PAPLN: variants seen among roughly 807,000 people sequenced by gnomAD.
PAPLN encodes papilin, proteoglycan like sulfated glycoprotein, also known as papilin.
PAPLN carries 146 observed loss-of-function variants against 159.0 expected under a neutral mutation model. The observed-to-expected ratio is 0.92, with a 90% CI of 0.80 to 1.05. The LOEUF (loss-of-function observed/expected upper bound fraction) is 1.05, where lower values mean the gene tolerates loss of function less well. Among genes scored for constraint, PAPLN ranks in the 50% least tolerant of loss-of-function variants. The pLI is 0.00. For missense variants in PAPLN, 1,720 were observed against 1,743.9 expected (o/e 0.99, Z 0.24); for synonymous variants, 734 against 702.9 (o/e 1.04, Z -0.70).
rs994684127 is a variant in PAPLN, at chr14:73,260,595, C to A, written c.1986-114C>A. The A allele has an allele frequency of 1.4e-4, 185 of 1,313,874 alleles. No homozygotes were observed. The Middle Eastern group carries it at 1.7e-3, about 12-fold the overall frequency. 81.4% of individuals were successfully genotyped at this position (1,313,874 alleles called of 1,614,324 possible). On this transcript the variant is annotated intron_variant, in intron 16 of 26. Coordinates refer to ENST00000644200, the MANE Select transcript of PAPLN (RefSeq NM_001365906.3). ...GCACACGGGGACACGTCCTCTCCCC[C>A]CCAGGTCCCCACCCTGTCAGCCCCC...
chr14:73,271,503 A>ATT (rs57834403), intron 26 of PAPLN, among the ~76,000 whole-genome samples: 3,578 of 143,726 alleles, frequency 0.025, 97 homozygotes, highest in African/African-American at 0.067. Flanking sequence ...GTAGAATGAA[A>ATT]TTTTTTTTTT....
In PAPLN at chr14:73,246,194, C is replaced by T. The variant is rs1427199615; in HGVS notation, c.334+19C>T. 4.5e-6 allele frequency: 7 copies of T among 1,557,450 alleles called. No individual in the cohort carries two copies. Among genetic ancestry groups the T allele is most frequent in the East Asian group, 2.5e-5 (1 of 40,698 alleles). ...TACAGCGGTGAGCGCGGCCGGGACT[C>T]GCTCTCTCGGGGCCTCTTGTATACC... On this transcript the variant is annotated intron_variant, in intron 5 of 26. Coordinates refer to ENST00000644200, the MANE Select transcript of PAPLN (RefSeq NM_001365906.3).
intron 5 of PAPLN, 54 bp from the exon 6 acceptor site, chr14:73,249,930 G>C (rs1312483395): frequency 2.0e-5 from 31 of 1,542,738 alleles, no homozygotes; most frequent in Non-Finnish European, 2.6e-5. Flanking sequence ...TTGGGTCTTG[G>C]GGAGGGGCAT....
In PAPLN at chr14:73,266,539, G is replaced by A. The variant is rs756345725; in HGVS notation, c.3302G>A (p.Arg1101Gln). 1.8e-5 allele frequency: 29 copies of A among 1,613,982 alleles called. No individual in the cohort carries two copies. Among genetic ancestry groups the A allele is most frequent in the Admixed American group, 1.3e-4 (8 of 59,998 alleles). Residue 1101 changes from arginine to glutamine, a missense_variant, in exon 24 of 27, where the codon CGA becomes CAA. Coordinates refer to ENST00000644200, the MANE Select transcript of PAPLN (RefSeq NM_001365906.3). The stretch of plus-strand genomic sequence containing the variant: ...CCTGATGGCTCCCTGGTCATTAGCC[G>A]AGTGGCTGTAGAAGATGGCGGCTTC... ...LQPDGSLVISRVAVEDGGFYT... is the reference protein window; with the variant it reads ...LQPDGSLVISQVAVEDGGFYT...
At chr14:73,254,413 C>T (rs1342474970) in intron 12 of PAPLN, 100 bp from the exon 13 acceptor site, 2 of 1,452,490 alleles carry the variant, frequency 1.4e-6, no homozygotes, top group African/African-American at 2.8e-5. Flanking sequence ...CAGTTGGGTG[C>T]TATCTGCCTC....
chr14:73,252,788 C>T lies in PAPLN; in HGVS notation c.1094+13C>T. On this transcript the variant is annotated intron_variant, in intron 11 of 26. Transcript: ENST00000644200. ...CGGAGACCAAGCGGTGAGACCTTGCCAGCCCCTCTACCCATGATGAGGCCC... is the reference window on the plus strand; with the variant it reads ...CGGAGACCAAGCGGTGAGACCTTGCTAGCCCCTCTACCCATGATGAGGCCC... The T allele has an allele frequency of 6.2e-7, 1 of 1,612,832 alleles. No individual in the cohort carries two copies. Among genetic ancestry groups the T allele is most frequent in the Non-Finnish European group, 8.5e-7 (1 of 1,179,874 alleles).
chr14:73,249,172 C>G (rs941627063), intron 5 of PAPLN, among the ~76,000 whole-genome samples: 8 of 152,094 alleles, frequency 5.3e-5, no homozygotes, highest in Non-Finnish European at 1.5e-5. Context: ...CATCCTGCCC[C>G]TTTCACAAGA....
intron 5 of PAPLN, 85 bp downstream of exon 5, chr14:73,246,260 G>A: frequency 8.7e-7 from 1 of 1,144,858 alleles, no homozygotes; most frequent in South Asian, 1.5e-5. Context: ...TTATAGAGGC[G>A]TTGTCATATA....
At position 73,246,274 on chromosome 14, in the gene PAPLN, A is replaced by G. The variant is rs548094644; in HGVS notation, c.334+99A>G. The stretch of plus-strand genomic sequence containing the variant: ...ATTATAGAGGCGTTGTCATATATAT[A>G]TATATTAGAGACAGTCTCACTGTGT... On this transcript the variant is annotated intron_variant, in intron 5 of 26. Transcript: ENST00000644200. 3.5e-5 allele frequency: 35 copies of G among 1,009,806 alleles called. No homozygotes were observed. In the African/African-American group the frequency reaches 5.4e-4, roughly 16 times the overall value. 62.6% of individuals were successfully genotyped at this position (1,009,806 alleles called of 1,614,324 possible). A position where few individuals can be genotyped will look rare whatever the true frequency, so the allele number is the denominator to read the frequency against.
intron 23 of PAPLN, among the ~76,000 whole-genome samples, chr14:73,266,077 G>A (rs1887183611): frequency 6.6e-6 from 1 of 152,150 alleles, no homozygotes; most frequent in Non-Finnish European, 1.5e-5. Context: ...AGTGGCTCAC[G>A]CCTGTAATCC....
At chr14:73,263,573 A>C (rs760782936) in intron 19 of PAPLN, 72 bp from the exon 20 acceptor site, 3 of 1,596,918 alleles carry the variant, frequency 1.9e-6, no homozygotes, top group South Asian at 2.2e-5. Context: ...TCTGTCATGG[A>C]ACACACTGCT....
In PAPLN at chr14:73,245,465, T is replaced by C. The variant is rs1396609284; in HGVS notation, c.171-171T>C. 1.5e-6 allele frequency: 1 copy of C among 660,100 alleles called. No individual in the cohort carries two copies. Among genetic ancestry groups the C allele is most frequent in the African/African-American group, 1.8e-5 (1 of 54,738 alleles). The allele number at this position is 660,100 out of a possible 1,614,324, so 40.9% of individuals were successfully genotyped here. On this transcript the variant is annotated intron_variant, in intron 3 of 26. Coordinates refer to ENST00000644200, the MANE Select transcript of PAPLN (RefSeq NM_001365906.3). This position sits in a 1 kb window ranked among gnomAD's most constrained non-coding sequence, Gnocchi z 4.2. ...GTCCCGCTTCTCTGGAGTACCAACA[T>C]GGGTCGCTCACTCCCACCTGGGGGA...
chr14:73,265,773 A>G lies in PAPLN; in HGVS notation c.3263+266A>G, dbSNP rs566721447. The stretch of plus-strand genomic sequence containing the variant: ...GATGACGGAAGAAGAAAATGGAGTC[A>G]GAACACATTCCCAGCTATAACCATA... On this transcript the variant is annotated intron_variant, in intron 23 of 26. Transcript: ENST00000644200. The surrounding 1 kb of genome is among the most constrained non-coding windows in gnomAD (Gnocchi z 4.1). Among the ~76,000 whole-genome samples the G allele has an allele frequency of 1.3e-5, 2 of 152,386 alleles. No individual in the cohort carries two copies. Among genetic ancestry groups the G allele is most frequent in the African/African-American group, 2.4e-5 (1 of 41,596 alleles).
In PAPLN at chr14:73,265,243, G is replaced by A. The variant is rs1887094164; in HGVS notation, c.3126-127G>A. 4.2e-6 allele frequency: 6 copies of A among 1,437,500 alleles called. No individual in the cohort carries two copies. The Admixed American group carries it at 1.1e-4, about 26-fold the overall frequency. The allele number at this position is 1,437,500 out of a possible 1,614,324, so 89.0% of individuals were successfully genotyped here. A position where few individuals can be genotyped will look rare whatever the true frequency, so the allele number is the denominator to read the frequency against. ...CCATTTCCTAACCAGAACAAGGCAG[G>A]GGATTTTAGGAAGCTGAATCTGGCT... is the stretch of plus-strand genomic sequence containing the variant. On this transcript the variant is annotated intron_variant, in intron 22 of 26. Transcript: ENST00000644200. The surrounding 1 kb of genome is among the most constrained non-coding windows in gnomAD (Gnocchi z 4.1).
rs1045173961 is a variant in PAPLN at position 73,262,576 on chromosome 14, C to T, written c.2472C>T (p.His824=). 2.6e-6 allele frequency: 4 copies of T among 1,564,814 alleles called. No individual in the cohort carries two copies. Among genetic ancestry groups the T allele is most frequent in the Non-Finnish European group, 1.7e-6 (2 of 1,153,518 alleles). ...PQPGASGRST[H]TDGGGSSPAG... ...CTGGGGCTTCTGGAAGGAGCACCCA[C>T]ACGGATGGTGGCGGCAGCAGTCCTG... Residue 824 remains histidine (H), a synonymous_variant, in exon 19 of 27, where the codon CAC becomes CAT. Transcript: ENST00000644200.
chr14:73,249,314 T>A (rs1884956625), intron 5 of PAPLN, among the ~76,000 whole-genome samples: 1 of 152,184 alleles, frequency 6.6e-6, no homozygotes, highest in South Asian at 2.1e-4. Flanking sequence ...CATATAGTCT[T>A]CACAATCATC....
chr14:73,250,228 C>G (rs1037501390), intron 6 of PAPLN, 114 bp downstream of exon 6: 1 of 1,359,460 alleles, frequency 7.4e-7, no homozygotes, highest in East Asian at 2.7e-5. Flanking sequence ...GGTGTCTTCT[C>G]AAGTTACCAG....
In PAPLN at chr14:73,251,556, G is replaced by A. The variant is rs765043257; in HGVS notation, c.660G>A (p.Arg220=). Residue 220 remains arginine, a synonymous_variant, in exon 8 of 27, where the codon AGG becomes AGA. Transcript: ENST00000644200. The part of the protein sequence containing the change: ...SILIDEAAAS[R]NFLAVKNVRG... ...TCATCGACGAGGCTGCTGCCAGCAGGAACTTCCTGGGTGAGAGCCTAGGGT... is the reference window on the plus strand; with the variant it reads ...TCATCGACGAGGCTGCTGCCAGCAGAAACTTCCTGGGTGAGAGCCTAGGGT... 6.2e-6 allele frequency: 10 copies of A among 1,612,932 alleles called. No individual in the cohort carries two copies. The highest frequency in any genetic ancestry group is 1.6e-4 in the Middle Eastern group (1 of 6,062).
chr14:73,265,412 T>G lies in PAPLN; in HGVS notation c.3168T>G (p.Ser1056Arg), dbSNP rs1204643630. ...ACCAGCCCCGGGTGGTGGATGCCAG[T>G]CCAGGCCAGCGGATCCGGATGACCT... ...DQNQPRVVDASPGQRIRMTCR... is the reference protein window; with the variant it reads ...DQNQPRVVDARPGQRIRMTCR... The change falls in exon 23 of 27, where the codon AGT (serine) becomes AGG (arginine). Residue 1056 changes from serine (S) to arginine (R), a missense_variant. Coordinates refer to ENST00000644200, the MANE Select transcript of PAPLN (RefSeq NM_001365906.3). The surrounding 1 kb of genome is among the most constrained non-coding windows in gnomAD (Gnocchi z 4.1). 6.2e-7 allele frequency: 1 copy of G among 1,612,284 alleles called. No individual in the cohort carries two copies. The highest frequency in any genetic ancestry group is 1.3e-5 in the African/African-American group (1 of 74,944).
Sources: allele counts gnomAD v4.1 joint callset (sites outside exome capture counted in the v4.1 genomes callset), GRCh38; gene constraint gnomAD v4.1.1; non-coding constraint Gnocchi (gnomAD v3.1); transcripts MANE v1.5; gene names NCBI Gene and HGNC (gene_info 2026-07-23, HGNC 2026-07-21).